The following RPIA variants were observed in gnomAD, a reference collection of about 807,000 sequenced individuals.
The protein encoded by RPIA is ribose-5-phosphate isomerase.
A neutral mutation model predicts 37.8 loss-of-function variants in RPIA; 29 were observed. The ratio of observed to expected loss-of-function variants is 0.77; its 90% CI spans 0.57 to 1.05. The LOEUF (loss-of-function observed/expected upper bound fraction) is 1.05, where lower values mean the gene tolerates loss of function less well. Ranked by LOEUF, RPIA falls within the 50% of genes least tolerant of loss-of-function variation. The pLI is 0.00. For missense variants in RPIA, 385 were observed against 413.6 expected (o/e 0.93, Z 0.60); for synonymous variants, 167 against 157.0 (o/e 1.06, Z -0.48).
chr2:88,746,471 C>T (rs1034534780), intron 8 of RPIA, among the ~76,000 whole-genome samples: 1 of 152,198 alleles, frequency 6.6e-6, no homozygotes, highest in Non-Finnish European at 1.5e-5. Flanking sequence ...ATGGGGTGTT[C>T]TTCGCCTTCC....
At chr2:88,744,754 C>T (rs972379346) in intron 8 of RPIA, among the ~76,000 whole-genome samples, 1 of 152,100 alleles carries the variant, frequency 6.6e-6, no homozygotes, top group African/African-American at 2.4e-5. Context: ...TAATGTTCCT[C>T]TTTGTCTTTT....
At chr2:88,711,457 A>G (rs1187223582) in intron 3 of RPIA, among the ~76,000 whole-genome samples, 2 of 152,220 alleles carry the variant, frequency 1.3e-5, no homozygotes, top group Non-Finnish European at 2.9e-5. Context: ...ATTATTATCT[A>G]CAGACCTGGA....
intron 8 of RPIA, among the ~76,000 whole-genome samples, chr2:88,748,636 C>T (rs1448168938): frequency 6.6e-6 from 1 of 152,174 alleles, no homozygotes; most frequent in African/African-American, 2.4e-5. Context: ...TGTTAATTTT[C>T]ACTGCTGAAT....
rs187302130 is a variant in RPIA, at chr2:88,724,809, C to A, written c.403-4469C>A. Among the ~76,000 whole-genome samples the A allele has an allele frequency of 1.4e-4, 21 of 152,204 alleles. No individual in the cohort carries two copies. The East Asian group carries it at 3.1e-3, about 22-fold the overall frequency. ...CCTGAAAGCCAGAACTGGTTTAAAC[C>A]AAAAACAGCATTTATTGCTCACTCT... On this transcript the variant is annotated intron_variant, in intron 3 of 8. Transcript: ENST00000283646.
In RPIA at chr2:88,750,526, A is replaced by G. The variant is rs905333029; in HGVS notation, c.*448A>G. 1.7e-5 allele frequency: 7 copies of G among 419,724 alleles called. No homozygotes were observed. The Admixed American group carries it at 1.9e-4, about 12-fold the overall frequency. The allele number at this position is 419,724 out of a possible 1,614,324, so 26.0% of individuals were successfully genotyped here. ...TGATGCCTTACTGGAAACTTTGTTT[A>G]CTTGTCTGCTACCCTCTGATTTGTT... On this transcript the variant is annotated 3_prime_UTR_variant, in exon 9 of 9. Transcript: ENST00000283646.
intron 8 of RPIA, among the ~76,000 whole-genome samples, chr2:88,741,414 T>TGG (rs1452745138): frequency 6.6e-6 from 1 of 152,246 alleles, no homozygotes; most frequent in Non-Finnish European, 1.5e-5. Context: ...GGCTGAGTAG[T>TGG]ATTCCATGGT....
At chr2:88,697,721 T>C (rs1672771481) in intron 1 of RPIA, among the ~76,000 whole-genome samples, 1 of 152,270 alleles carries the variant, frequency 6.6e-6, no homozygotes, top group Admixed American at 6.5e-5. Context: ...AGATGAAGAC[T>C]ATTTTTCATG....
chr2:88,692,384 G>A (rs550373687), intron 1 of RPIA, among the ~76,000 whole-genome samples: 1 of 152,274 alleles, frequency 6.6e-6, no homozygotes, highest in South Asian at 2.1e-4. Flanking sequence ...CCGGAAGCCG[G>A]CGGAGAGTTG....
intron 4 of RPIA, among the ~76,000 whole-genome samples, chr2:88,733,453 G>T (rs559001071): frequency 6.6e-5 from 10 of 152,296 alleles, no homozygotes; most frequent in Admixed American, 6.5e-4. Context: ...AGAGCCAGGG[G>T]CACAGGCTGA....
chr2:88,735,568 A>T, intron 5 of RPIA, 101 bp from the exon 6 acceptor site: 1 of 1,042,196 alleles, frequency 9.6e-7, no homozygotes, highest in Non-Finnish European at 1.5e-6. Context: ...GTTTCTCTTT[A>T]AGTGCCAGGA....
chr2:88,730,311 A>G (rs1221718054), intron 4 of RPIA, among the ~76,000 whole-genome samples: 1 of 100,456 alleles, frequency 1.0e-5, no homozygotes, highest in Non-Finnish European at 1.7e-5. Context: ...ATGAACATTG[A>G]TGCAAAAATC....
At chr2:88,722,058 C>T (rs571507692) in intron 3 of RPIA, among the ~76,000 whole-genome samples, 13 of 151,046 alleles carry the variant, frequency 8.6e-5, no homozygotes, top group South Asian at 2.1e-4. Context: ...CCTGAACATA[C>T]CTCTTTCTTA....
chr2:88,704,383 A>G (rs1054457907), intron 3 of RPIA, among the ~76,000 whole-genome samples: 1 of 152,214 alleles, frequency 6.6e-6, no homozygotes, highest in African/African-American at 2.4e-5. Context: ...GGCGGAAGGC[A>G]GGGAGGAGCA....
chr2:88,706,530 A>G (rs1285000665), intron 3 of RPIA, among the ~76,000 whole-genome samples: 1 of 150,956 alleles, frequency 6.6e-6, no homozygotes, highest in Admixed American at 6.6e-5. Flanking sequence ...AGGGAGGGGA[A>G]CAACACATAC....
At chr2:88,735,579 T>A in intron 5 of RPIA, 90 bp from the exon 6 acceptor site, 1 of 1,122,536 alleles carries the variant, frequency 8.9e-7, no homozygotes. Flanking sequence ...AGTGCCAGGA[T>A]TGAGTGGATT....
At chr2:88,744,524 ATAGTTT>A (rs1206207916) in intron 8 of RPIA, among the ~76,000 whole-genome samples, 3 of 152,196 alleles carry the variant, frequency 2.0e-5, no homozygotes, top group Non-Finnish European at 4.4e-5. Flanking sequence ...GCTCCAGAGT[ATAGTTT>A]AATTTCATTG....
intron 8 of RPIA, among the ~76,000 whole-genome samples, chr2:88,740,638 G>T (rs943248666): frequency 6.6e-6 from 1 of 152,160 alleles, no homozygotes; most frequent in Admixed American, 6.5e-5. Context: ...AGGGCTACTG[G>T]AGTTCTTTCC....
intron 3 of RPIA, among the ~76,000 whole-genome samples, chr2:88,715,760 G>A (rs548478146): frequency 5.3e-5 from 8 of 152,058 alleles, no homozygotes; most frequent in East Asian, 1.9e-4. Flanking sequence ...TGCATTTACC[G>A]TTGTCCATCA....
At chr2:88,719,970 C>T (rs149598452) in intron 3 of RPIA, among the ~76,000 whole-genome samples, 43 of 152,246 alleles carry the variant, frequency 2.8e-4, no homozygotes, top group Admixed American at 6.5e-4. Flanking sequence ...CTTACAATCT[C>T]ACACACCCAC....
Sources: gnomAD v4.1 joint callset for allele counts (sites outside exome capture counted in the v4.1 genomes callset) on GRCh38, gnomAD v4.1.1 for gene constraint, MANE v1.5 for transcripts, NCBI Gene and HGNC (gene_info 2026-07-23, HGNC 2026-07-21) for gene names.